The following RHPN2 variants were observed in gnomAD, a reference collection of about 807,000 sequenced individuals.
RHPN2 encodes rhophilin Rho GTPase binding protein 2.
RHPN2 carries 40 observed loss-of-function variants against 79.0 expected under a neutral mutation model. The ratio of observed to expected loss-of-function variants is 0.51; its 90% CI spans 0.39 to 0.66. The LOEUF is 0.66. Ranked by LOEUF, RHPN2 falls within the 30% of genes least tolerant of loss-of-function variation. RHPN2 has a pLI of 0.00. For synonymous variants in RHPN2, 285 were observed against 363.5 expected (o/e 0.78, Z 2.46); for missense variants, 686 against 883.5 (o/e 0.78, Z 2.83).
At chr19:33,031,164 GA>G (rs1972007184) in intron 2 of RHPN2, among the ~76,000 whole-genome samples, 1 of 151,778 alleles carries the variant, frequency 6.6e-6, no homozygotes, top group Non-Finnish European at 1.5e-5. Flanking sequence ...CACCAACCCA[GA>G]AGCTCCCTGA....
chr19:32,984,808 CA>C (rs1420592196), intron 14 of RHPN2, among the ~76,000 whole-genome samples: 1 of 152,056 alleles, frequency 6.6e-6, no homozygotes, highest in Admixed American at 6.6e-5. Context: ...TAATAAAAGA[CA>C]AAAGGAAATT....
intron 2 of RHPN2, among the ~76,000 whole-genome samples, chr19:33,033,007 AC>A (rs1568321583): frequency 6.6e-6 from 1 of 152,112 alleles, no homozygotes; most frequent in African/African-American, 2.4e-5. Context: ...ATTTAATCTT[AC>A]ATGTTGTATG....
At chr19:33,029,151 A>G (rs970769772) in intron 2 of RHPN2, among the ~76,000 whole-genome samples, 1 of 151,910 alleles carries the variant, frequency 6.6e-6, no homozygotes, top group African/African-American at 2.4e-5. Flanking sequence ...CAAAAAAAAA[A>G]TTAAAAATAA....
chr19:33,054,453 G>A (rs1431711592), intron 1 of RHPN2, among the ~76,000 whole-genome samples: 1 of 152,038 alleles, frequency 6.6e-6, no homozygotes, highest in Non-Finnish European at 1.5e-5. Flanking sequence ...TCCTGCCTCG[G>A]ACTCCCAAAG....
In RHPN2 at chr19:33,064,824, G is replaced by T. The variant is rs1386866915; in HGVS notation, c.29C>A (p.Pro10His). MTDALLPAA[P>H]QPLEKENDGY... ...GTCGTTCTCCTTCTCCAGCGGCTGG[G>T]GGGCCGCGGGCAACAGCGCGTCGGT... Residue 10 changes from proline (P) to histidine (H), a missense_variant, in exon 1 of 15, where the codon CCC becomes CAC. Pro to His is a moderately conservative substitution (Grantham distance 77). Transcript: ENST00000254260. 6 of 1,519,966 alleles carry T rather than the reference G, an allele frequency of 3.9e-6. No homozygotes were observed. In the African/African-American group the frequency reaches 8.5e-5, roughly 22 times the overall value. 94.2% of individuals were successfully genotyped at this position (1,519,966 alleles called of 1,614,324 possible).
At chr19:33,052,045 T>A (rs1168117221) in intron 1 of RHPN2, among the ~76,000 whole-genome samples, 2 of 150,500 alleles carry the variant, frequency 1.3e-5, no homozygotes, top group African/African-American at 4.9e-5. Flanking sequence ...TACCAAAAAC[T>A]GACCGTGCTG....
At chr19:33,013,582 G>A (rs372145342) in intron 4 of RHPN2, among the ~76,000 whole-genome samples, 5 of 152,104 alleles carry the variant, frequency 3.3e-5, no homozygotes, top group East Asian at 3.9e-4. Flanking sequence ...TCTGCGCATC[G>A]TGGCTCACGT....
chr19:33,027,129 G>A, intron 2 of RHPN2: 2 of 245,080 alleles, frequency 8.2e-6, no homozygotes, highest in Non-Finnish European at 8.1e-6. Context: ...GTGTGGTGGT[G>A]CATGCCTGTA....
At chr19:33,057,566 G>A (rs1482994475) in intron 1 of RHPN2, among the ~76,000 whole-genome samples, 1 of 151,248 alleles carries the variant, frequency 6.6e-6, no homozygotes, top group African/African-American at 2.4e-5. Context: ...TGTAATCCCA[G>A]CTACTCAGGA....
chr19:33,061,221 CTTTCT>C (rs1972276853), intron 1 of RHPN2, among the ~76,000 whole-genome samples: 1 of 143,824 alleles, frequency 7.0e-6, no homozygotes, highest in African/African-American at 2.7e-5. Flanking sequence ...CAGCACCTGC[CTTTCT>C]TTTTTTTTTT....
intron 10 of RHPN2, among the ~76,000 whole-genome samples, chr19:32,997,414 A>G (rs554806975): frequency 2.0e-5 from 3 of 152,190 alleles, no homozygotes; most frequent in Non-Finnish European, 4.4e-5. Flanking sequence ...TATAGGGAAA[A>G]ATAAAGCAGG....
chr19:32,988,547 C>G (rs931879419), intron 14 of RHPN2, among the ~76,000 whole-genome samples: 12 of 152,220 alleles, frequency 7.9e-5, no homozygotes, highest in African/African-American at 2.9e-4. Flanking sequence ...AAAGGGGCTT[C>G]CAAGTGGCTT....
In RHPN2 at chr19:32,988,033, A is replaced by G. The variant is rs558014319; in HGVS notation, c.1800+2481T>C. Among the ~76,000 whole-genome samples the G allele has an allele frequency of 2.0e-5, 3 of 152,050 alleles. No individual in the cohort carries two copies. In the South Asian group the frequency reaches 6.2e-4, roughly 32 times the overall value. On this transcript the variant is annotated intron_variant, in intron 14 of 14. Transcript: ENST00000254260. ...CCATCTCTACCAAAAAAAATTTACC[A>G]TAGATAGATAAACAAATTAGCCAGG...
chr19:32,999,157 T>A (rs1404645108), intron 10 of RHPN2, among the ~76,000 whole-genome samples: 1 of 151,890 alleles, frequency 6.6e-6, no homozygotes, highest in Non-Finnish European at 1.5e-5. Context: ...AGGGGCAGGT[T>A]AGGGTGGTGG....
chr19:32,986,811 AT>A (rs35274427), intron 14 of RHPN2, among the ~76,000 whole-genome samples: 6,013 of 113,402 alleles, frequency 0.053, 358 homozygotes, highest in African/African-American at 0.18. Context: ...AAAAAAAAAA[AT>A]TTTGAGATAT....
At chr19:33,060,548 T>C (rs1972271270) in intron 1 of RHPN2, among the ~76,000 whole-genome samples, 1 of 152,052 alleles carries the variant, frequency 6.6e-6, no homozygotes, top group Non-Finnish European at 1.5e-5. Flanking sequence ...GTTTGTTTTT[T>C]GTGAGACAAG....
intron 9 of RHPN2, among the ~76,000 whole-genome samples, chr19:33,000,316 G>C (rs1272877864): frequency 6.6e-6 from 1 of 151,502 alleles, no homozygotes; most frequent in African/African-American, 2.4e-5. Flanking sequence ...CACCTCCCGG[G>C]TTCAAGCGAT....
intron 2 of RHPN2, among the ~76,000 whole-genome samples, chr19:33,040,133 A>G (rs940486124): frequency 2.0e-5 from 3 of 151,934 alleles, no homozygotes; most frequent in Admixed American, 6.6e-5. Flanking sequence ...TCTCAGCACA[A>G]CAGGGGAACC....
At position 33,009,778 on chromosome 19, in the gene RHPN2, T is replaced by A. The variant is rs182012663; in HGVS notation, c.594-1598A>T. 3.8e-4 allele frequency among the ~76,000 whole-genome samples: 58 copies of A among 151,696 alleles called. 2 individuals are homozygous for A. The East Asian group carries it at 8.8e-3, about 23-fold the overall frequency. On this transcript the variant is annotated intron_variant, in intron 6 of 14. Transcript: ENST00000254260. ...CCTAGGACTTGTTTTATTTTTATTT[T>A]TTTTATTTTTTATTTTTTGAGACAG...
Sources: gnomAD v4.1 joint callset for allele counts (sites outside exome capture counted in the v4.1 genomes callset) on GRCh38, gnomAD v4.1.1 for gene constraint, MANE v1.5 for transcripts, NCBI Gene and HGNC (gene_info 2026-07-23, HGNC 2026-07-21) for gene names.